The following DNAAF5 variants were observed in gnomAD, a reference collection of about 807,000 sequenced individuals.
DNAAF5 encodes dynein axonemal assembly factor 5.
DNAAF5 carries 64 observed loss-of-function variants against 75.8 expected under a neutral mutation model. The observed-to-expected ratio is 0.84, with a 90% confidence interval of 0.69 to 1.04. The LOEUF is 1.04. Among genes scored for constraint, DNAAF5 ranks in the 50% least tolerant of loss-of-function variants. The pLI, the probability that DNAAF5 is intolerant of heterozygous loss-of-function variation, is 0.00. For missense variants in DNAAF5, 1,269 were observed against 1,178.5 expected, an observed-to-expected ratio of 1.08 and a Z score of -1.12; for synonymous variants, 657 against 557.2, an observed-to-expected ratio of 1.18 and a Z score of -2.52.
Position 745,399 on chromosome 7 carries a change from G to A in DNAAF5, c.1024+3934G>A, listed in dbSNP as rs1454200111. On this transcript the variant is annotated intron_variant, in intron 4 of 12. Transcript: ENST00000297440. ...TCTATGATCCTTGGAATGCGGTAAGGGAGAAGACAGAGCGAGGCGCACACG... is the reference window on the plus strand; with the variant it reads ...TCTATGATCCTTGGAATGCGGTAAGAGAGAAGACAGAGCGAGGCGCACACG... Among the ~76,000 whole-genome samples, 7 of 151,802 alleles carry A rather than the reference G, an allele frequency of 4.6e-5. No homozygotes were observed. In the East Asian group the frequency reaches 9.7e-4, roughly 21 times the overall value.
intron 4 of DNAAF5, among the ~76,000 whole-genome samples, chr7:744,895 G>T (rs568029813): frequency 4.6e-5 from 7 of 152,270 alleles, no homozygotes; most frequent in South Asian, 2.1e-4. Flanking sequence ...GAGCCACCAC[G>T]CCTGGACCAC....
At chr7:778,637 G>A (rs923352322) in intron 11 of DNAAF5, 1 of 152,306 alleles carries the variant, frequency 6.6e-6, no homozygotes, top group Non-Finnish European at 1.5e-5. Flanking sequence ...AGGAGGCCTC[G>A]GAGGATCCTG....
At chr7:776,941 C>T (rs116829397) in intron 11 of DNAAF5, among the ~76,000 whole-genome samples, 206 of 152,256 alleles carry the variant, frequency 1.4e-3, no homozygotes, top group African/African-American at 4.7e-3. Context: ...AGATCGGCAA[C>T]GGCATTAGAT....
At chr7:763,740 C>T in intron 7 of DNAAF5, 66 bp from the exon 8 acceptor site, 1 of 1,549,856 alleles carries the variant, frequency 6.5e-7, no homozygotes, top group Non-Finnish European at 8.8e-7. Flanking sequence ...TAGTGAGTCC[C>T]AGCAGGCAGG....
chr7:786,003 C>A lies in DNAAF5; in HGVS notation c.*350C>A. 4.9e-6 allele frequency: 1 copy of A among 203,786 alleles called. No homozygotes were observed. 12.6% of individuals were successfully genotyped at this position (203,786 alleles called of 1,614,324 possible). On this transcript the variant is annotated 3_prime_UTR_variant, in exon 13 of 13. Transcript: ENST00000297440. ...CTATTGGCTGCATCCTGCTTAGGTG[C>A]CCACCAAGAAGGTTTTTACCTACTT...
intron 8 of DNAAF5, among the ~76,000 whole-genome samples, chr7:767,743 G>GGGAGGGGAGACGGCA (rs1778369861): frequency 2.7e-5 from 4 of 150,606 alleles, no homozygotes; most frequent in Non-Finnish European, 5.9e-5. Flanking sequence ...CGGAGCTGGC[G>GGGAGGGGAGACGGCA]CTGGGAGGGG....
At chr7:728,293 G>A (rs1400463459) in intron 1 of DNAAF5, among the ~76,000 whole-genome samples, 3 of 152,202 alleles carry the variant, frequency 2.0e-5, no homozygotes, top group African/African-American at 7.2e-5. Flanking sequence ...TCCGTGGGCG[G>A]TAGGGAGCAG....
In DNAAF5 at chr7:729,613, C is replaced by G. The variant is rs773923130; in HGVS notation, c.596-50C>G. Reference sequence around the variant, plus strand: ...TCCTCTGGAAGCCCACAGAGCTGGGCGAGGCGTGTGGGAGCAGCTCTGGTA... The same window carrying G: ...TCCTCTGGAAGCCCACAGAGCTGGGGGAGGCGTGTGGGAGCAGCTCTGGTA... On this transcript the variant is annotated intron_variant, in intron 1 of 12. Transcript: ENST00000297440. The G allele has an allele frequency of 3.2e-6, 5 of 1,564,438 alleles. No individual in the cohort carries two copies. In the South Asian group the frequency reaches 4.6e-5, roughly 15 times the overall value.
chr7:771,141 T>C (rs1778551130), intron 9 of DNAAF5: 1 of 152,378 alleles, frequency 6.6e-6, no homozygotes, highest in South Asian at 2.1e-4. Flanking sequence ...AAACAACTGA[T>C]TGAATTTCTA....
Position 785,854 on chromosome 7 carries a change from A to G in DNAAF5, c.*201A>G. On this transcript the variant is annotated 3_prime_UTR_variant, in exon 13 of 13. Transcript: ENST00000297440. ...GCATGTTATGTGATTTGTTCTGTTC[A>G]TCGAGAGGGCTCCCAAACATCTGCA... 1.7e-6 allele frequency: 1 copy of G among 580,312 alleles called. No homozygotes were observed. Among genetic ancestry groups the G allele is most frequent in the Non-Finnish European group, 2.9e-6 (1 of 343,600 alleles). The allele number at this position is 580,312 out of a possible 1,614,324, so 35.9% of individuals were successfully genotyped here.
Position 750,188 on chromosome 7 carries a change from G to C in DNAAF5, c.1025-4401G>C, listed in dbSNP as rs564384024. Among the ~76,000 whole-genome samples, 14 of 152,290 alleles carry C rather than the reference G, an allele frequency of 9.2e-5. No homozygotes were observed. In the South Asian group the frequency reaches 1.5e-3, roughly 16 times the overall value. ...TCACTGTCTGTGCTACAGTTTCTGCGTGTTGAGTGCAGTCACCTGCTGCAC... is the reference window on the plus strand; with the variant it reads ...TCACTGTCTGTGCTACAGTTTCTGCCTGTTGAGTGCAGTCACCTGCTGCAC... On this transcript the variant is annotated intron_variant, in intron 4 of 12. Transcript: ENST00000297440.
At chr7:738,662 GA>G (rs1001281993) in intron 2 of DNAAF5, among the ~76,000 whole-genome samples, 1 of 152,146 alleles carries the variant, frequency 6.6e-6, no homozygotes, top group African/African-American at 2.4e-5. Context: ...TGAACTAAAA[GA>G]AAAGGGATAA....
intron 12 of DNAAF5, among the ~76,000 whole-genome samples, chr7:784,027 TCCC>T: frequency 7.2e-5 from 1 of 13,900 alleles, no homozygotes; most frequent in East Asian, 1.8e-3. Context: ...CGCCCCCACC[TCCC>T]CCACCTCCCC....
chr7:756,653 A>G (rs917566532), intron 5 of DNAAF5, 129 bp from the exon 6 acceptor site: 1 of 786,372 alleles, frequency 1.3e-6, no homozygotes, highest in Non-Finnish European at 2.1e-6. Context: ...TGTGCCAAGG[A>G]CTCACTCTGC....
In DNAAF5 at chr7:770,521, T is replaced by C. The variant is rs764075420; in HGVS notation, c.1834T>C (p.Cys612Arg). Residue 612 changes from cysteine (C) to arginine (R), a missense_variant, in exon 9 of 13, where the codon TGT (cysteine) becomes CGT (arginine). Cys to Arg is a radical substitution (Grantham distance 180, BLOSUM62 -3). Transcript: ENST00000297440. ...ACACGTCGTGCCCACGCTGAGGGCC[T>C]GTCTGCAGCCCTCCCAAGACCCGCA... ...LPHVVPTLRA[C>R]LQPSQDPQMR... 3.1e-6 allele frequency: 5 copies of C among 1,613,884 alleles called. No individual in the cohort carries two copies. The South Asian group carries it at 3.3e-5, about 11-fold the overall frequency.
intron 4 of DNAAF5, among the ~76,000 whole-genome samples, chr7:746,320 C>T (rs1223761251): frequency 7.1e-6 from 1 of 141,020 alleles, no homozygotes; most frequent in African/African-American, 2.7e-5. Context: ...CTTTCCCCCG[C>T]CCGTCATGCC....
chr7:761,711 C>T (rs1214588735), intron 6 of DNAAF5, 42 bp from the exon 7 acceptor site: 14 of 1,559,746 alleles, frequency 9.0e-6, no homozygotes, highest in Non-Finnish European at 1.2e-5. Context: ...GGGACACGAC[C>T]AAATTGTACC....
In DNAAF5 at chr7:780,254, G is replaced by A. The variant is rs1356950318; in HGVS notation, c.2431+110G>A. The A allele has an allele frequency of 7.0e-6, 7 of 999,030 alleles. No individual in the cohort carries two copies. The East Asian group carries it at 1.3e-4, about 18-fold the overall frequency. The allele number at this position is 999,030 out of a possible 1,614,324, so 61.9% of individuals were successfully genotyped here. ...CCACAGGGCCCTGGGGCACAGGAGG[G>A]GCCTCAGCTCCGGCCTGGCACACTC... is the stretch of plus-strand genomic sequence containing the variant. On this transcript the variant is annotated intron_variant, in intron 12 of 12. Coordinates refer to ENST00000297440, the MANE Select transcript of DNAAF5 (RefSeq NM_017802.4).
intron 7 of DNAAF5, 106 bp downstream of exon 7, chr7:762,002 C>CTGGGGCTCA: frequency 3.5e-6 from 4 of 1,151,100 alleles, no homozygotes; most frequent in Non-Finnish European, 4.8e-6. Flanking sequence ...TGTGCTTGAC[C>CTGGGGCTCA]AGCAAAGACC....
Sources: allele counts gnomAD v4.1 joint callset (sites outside exome capture counted in the v4.1 genomes callset), GRCh38; gene constraint gnomAD v4.1.1; transcripts MANE v1.5; gene names NCBI Gene and HGNC (gene_info 2026-07-23, HGNC 2026-07-21).